Variants in ECE1 observed in about 807,000 individuals in gnomAD.
ECE1 encodes the protein endothelin-converting enzyme 1.
In ECE1, 35 loss-of-function variants were observed where a neutral mutation model predicts 98.6. That is an observed-to-expected ratio of 0.35 (90% CI 0.27 to 0.47). The LOEUF (loss-of-function observed/expected upper bound fraction) is 0.47, where lower values mean the gene tolerates loss of function less well. ECE1 is among the 20% of genes least tolerant of loss of function. The pLI is 1.00. For synonymous variants in ECE1, 394 were observed against 407.1 expected, an observed-to-expected ratio of 0.97 and a Z score of 0.39; for missense variants, 814 against 1,025.3, an observed-to-expected ratio of 0.79 and a Z score of 2.81.
intron 8 of ECE1, among the ~76,000 whole-genome samples, chr1:21,254,068 CAAA>C (rs57691016): frequency 0.14 from 14,109 of 98,796 alleles, 655 homozygotes; most frequent in African/African-American, 0.2. Flanking sequence ...GACTTTGTCT[CAAA>C]AAAAAAAAAA....
intron 1 of ECE1, among the ~76,000 whole-genome samples, chr1:21,300,169 G>C (rs549409485): frequency 6.6e-6 from 1 of 152,278 alleles, no homozygotes; most frequent in Non-Finnish European, 1.5e-5. Context: ...CATGGGGGCT[G>C]TGGGACACGC....
intron 1 of ECE1, among the ~76,000 whole-genome samples, chr1:21,295,679 C>T (rs1437701260): frequency 6.6e-6 from 1 of 152,208 alleles, no homozygotes; most frequent in Non-Finnish European, 1.5e-5. Flanking sequence ...CAGCTTTTTC[C>T]TTGTCCACAT....
chr1:21,295,538 C>A (rs1638332782), intron 1 of ECE1, among the ~76,000 whole-genome samples: 1 of 152,164 alleles, frequency 6.6e-6, no homozygotes, highest in Non-Finnish European at 1.5e-5. Context: ...CTATGAAGTT[C>A]CTGAAAGTGT....
chr1:21,227,266 AGGAG>A, intron 15 of ECE1, 40 bp from the exon 16 acceptor site: 1 of 1,592,590 alleles, frequency 6.3e-7, no homozygotes, highest in Non-Finnish European at 8.6e-7. Flanking sequence ...ATGCTTTGAG[AGGAG>A]GGCCTCTCAC....
At chr1:21,249,072 G>A (rs751372415) in intron 8 of ECE1, among the ~76,000 whole-genome samples, 4 of 151,902 alleles carry the variant, frequency 2.6e-5, no homozygotes, top group Admixed American at 6.6e-5. Context: ...ACAAAGTTGC[G>A]CAACTTAAAA....
At position 21,298,637 on chromosome 1, in the gene ECE1, G is replaced by A. The variant is rs866837355; in HGVS notation, c.4-8481C>T. ...CGTGGTGTGCCAGGCACTAGACCTGGGGCTCGGTGGCACATGTCAGCTCCT... is the reference window on the plus strand; with the variant it reads ...CGTGGTGTGCCAGGCACTAGACCTGAGGCTCGGTGGCACATGTCAGCTCCT... On this transcript the variant is annotated intron_variant, in intron 1 of 18. Transcript: ENST00000415912. 18 of 411,848 alleles carry A rather than the reference G, an allele frequency of 4.4e-5. 1 individual carries two copies. In the Middle Eastern group the frequency reaches 6.5e-3, roughly 149 times the overall value. 25.5% of individuals were successfully genotyped at this position (411,848 alleles called of 1,614,324 possible). A position where few individuals can be genotyped will look rare whatever the true frequency, so the allele number is the denominator to read the frequency against.
intron 10 of ECE1, among the ~76,000 whole-genome samples, chr1:21,243,702 G>T (rs748295323): frequency 6.6e-6 from 1 of 152,262 alleles, no homozygotes; most frequent in African/African-American, 2.4e-5. Flanking sequence ...GGGAGGCCAA[G>T]TTCTGCAGGG....
At chr1:21,245,205 A>G (rs1573958530) in intron 9 of ECE1, 102 bp from the exon 10 acceptor site, 1 of 982,092 alleles carries the variant, frequency 1.0e-6, no homozygotes, top group Non-Finnish European at 1.6e-6. Flanking sequence ...TTGGCCTGTG[A>G]CCCCAGGCCC....
Position 21,260,256 on chromosome 1 carries a change from G to A in ECE1, c.615+15C>T. 1 of 1,614,216 alleles carries A rather than the reference G, an allele frequency of 6.2e-7. No homozygotes were observed. The highest frequency in any genetic ancestry group is 8.5e-7 in the Non-Finnish European group (1 of 1,180,030). On this transcript the variant is annotated intron_variant, in intron 5 of 18. Coordinates refer to ENST00000374893, the MANE Select transcript of ECE1 (RefSeq NM_001397.3). This position sits in a 1 kb window ranked among gnomAD's most constrained non-coding sequence, Gnocchi z 4.3. ...ATGGGCCGGGGCTTGGGGAGGGAGA[G>A]CCCGAGGCACTCACCCTCTCAATCA...
intron 2 of ECE1, among the ~76,000 whole-genome samples, chr1:21,286,319 T>C (rs985148058): frequency 6.6e-6 from 1 of 152,232 alleles, no homozygotes; most frequent in African/African-American, 2.4e-5. Context: ...TATATTATTA[T>C]ATCATGTCAC....
intron 17 of ECE1, chr1:21,222,097 C>G (rs1268643013): frequency 3.8e-6 from 2 of 528,826 alleles, no homozygotes; most frequent in Non-Finnish European, 6.9e-6. Flanking sequence ...TGTGTATATT[C>G]AACTGTGCCA....
chr1:21,264,312 C>T (rs1052523974), intron 4 of ECE1, among the ~76,000 whole-genome samples: 2 of 73,250 alleles, frequency 2.7e-5, no homozygotes, highest in African/African-American at 1.1e-4. Context: ...TACCAATTCC[C>T]CCCCCCCCTT....
intron 4 of ECE1, chr1:21,266,114 C>T (rs2098233522): frequency 6.6e-6 from 1 of 152,272 alleles, no homozygotes; most frequent in African/African-American, 2.4e-5. Flanking sequence ...GAAATGAACG[C>T]CCAGGCAGGC....
At chr1:21,321,023 C>T (rs950237297) in intron 1 of ECE1, among the ~76,000 whole-genome samples, 26 of 151,986 alleles carry the variant, frequency 1.7e-4, no homozygotes, top group African/African-American at 3.1e-4. Context: ...CCAGGCACCG[C>T]GCAGATATTT....
chr1:21,324,685 C>T (rs1378515831), intron 1 of ECE1, among the ~76,000 whole-genome samples: 1 of 152,194 alleles, frequency 6.6e-6, no homozygotes, highest in Non-Finnish European at 1.5e-5. Flanking sequence ...AGAAGGAGCC[C>T]GCGGGTCACT....
chr1:21,218,593 TTTC>T lies in ECE1; in HGVS notation c.*1359_*1361del, dbSNP rs1345620156. On this transcript the variant is annotated 3_prime_UTR_variant, in exon 19 of 19. Coordinates refer to ENST00000374893, the MANE Select transcript of ECE1 (RefSeq NM_001397.3). The surrounding 1 kb of genome is among the most constrained non-coding windows in gnomAD (Gnocchi z 4.0). ...TGCGGGAGGTGACAGCTGTTTCTCT[TTTC>T]TTTTTTTTGGGACGGAGTCTCCCTC... is the stretch of plus-strand genomic sequence containing the variant. 1 of 152,332 alleles carries T rather than the reference TTTC, an allele frequency of 6.6e-6. No individual in the cohort carries two copies. The highest frequency in any genetic ancestry group is 2.4e-5 in the African/African-American group (1 of 41,398). 9.4% of individuals were successfully genotyped at this position (152,332 alleles called of 1,614,324 possible).
At chr1:21,288,286 T>A (rs1450906201) in intron 2 of ECE1, among the ~76,000 whole-genome samples, 2 of 152,224 alleles carry the variant, frequency 1.3e-5, no homozygotes, top group East Asian at 3.8e-4. Context: ...TCATCAATAA[T>A]GTGGCCACGC....
At chr1:21,237,484 G>A (rs528233736) in intron 11 of ECE1, among the ~76,000 whole-genome samples, 5 of 152,270 alleles carry the variant, frequency 3.3e-5, no homozygotes, top group South Asian at 4.1e-4. Flanking sequence ...TTTGAATTGC[G>A]GTTGGCTCAC....
intron 2 of ECE1, chr1:21,279,802 A>C: frequency 2.2e-6 from 2 of 903,810 alleles, no homozygotes; most frequent in Non-Finnish European, 2.7e-6. Context: ...TTAAACCCTC[A>C]TAATCCCACG....
Sources: gnomAD v4.1 joint callset for allele counts (sites outside exome capture counted in the v4.1 genomes callset) on GRCh38, gnomAD v4.1.1 for gene constraint, Gnocchi (gnomAD v3.1) non-coding constraint, MANE v1.5 for transcripts, NCBI Gene and HGNC (gene_info 2026-07-23, HGNC 2026-07-21) for gene names.